Variants in PALM observed in about 807,000 individuals in gnomAD.
The protein encoded by PALM is paralemmin.
PALM carries 18 observed loss-of-function variants against 30.7 expected under a neutral mutation model. That is an observed-to-expected ratio of 0.59 (90% CI 0.41 to 0.87). The LOEUF (loss-of-function observed/expected upper bound fraction) is 0.87. Ranked by LOEUF, PALM falls within the 40% of genes least tolerant of loss-of-function variation. The pLI is 0.00. For synonymous variants in PALM, 286 were observed against 242.8 expected, an observed-to-expected ratio of 1.18 and a Z score of -1.66; for missense variants, 529 against 555.4, an observed-to-expected ratio of 0.95 and a Z score of 0.48.
At position 726,181 on chromosome 19, in the gene PALM, G is replaced by A; in HGVS notation, c.49G>A (p.Ala17Thr). ...ETTSQQERLQAIAEKRKRQAE... is the reference protein window; with the variant it reads ...ETTSQQERLQTIAEKRKRQAE... ...CACGTCCCAGCAGGAGCGGCTGCAG[G>A]CCATCGCAGTGAGTTTCCGCCGCCC... is the stretch of plus-strand genomic sequence containing the variant. Residue 17 changes from alanine (A) to threonine (T), a missense_variant, in exon 2 of 9, where the codon GCC becomes ACC. Ala to Thr is a moderately conservative substitution (Grantham distance 58). Transcript: ENST00000338448. 1 of 1,613,158 alleles carries A rather than the reference G, an allele frequency of 6.2e-7. No homozygotes were observed. Among genetic ancestry groups the A allele is most frequent in the Admixed American group, 1.7e-5 (1 of 60,016 alleles).
intron 5 of PALM, among the ~76,000 whole-genome samples, chr19:733,780 G>C (rs754501836): frequency 6.6e-6 from 1 of 151,932 alleles, no homozygotes; most frequent in East Asian, 2.0e-4. Context: ...TGAGGTCAGG[G>C]GATCGAAACC....
intron 7 of PALM, among the ~76,000 whole-genome samples, chr19:738,359 T>C (rs2033084953): frequency 6.6e-6 from 1 of 152,064 alleles, no homozygotes; most frequent in Admixed American, 6.6e-5. Flanking sequence ...ACCCTGTCTC[T>C]AGTAAAAATA....
intron 1 of PALM, among the ~76,000 whole-genome samples, chr19:714,953 A>C (rs1053807448): frequency 3.3e-5 from 5 of 152,158 alleles, no homozygotes; most frequent in African/African-American, 4.8e-5. Context: ...CACTGCACCC[A>C]GCCTGATGTT....
intron 2 of PALM, 102 bp downstream of exon 2, chr19:726,291 T>C (rs954407809): frequency 2.3e-6 from 2 of 885,394 alleles, no homozygotes; most frequent in Admixed American, 4.2e-5. Flanking sequence ...AACCAGGGCA[T>C]GGTGGGTGGT....
At chr19:717,605 G>A (rs1433769445) in intron 1 of PALM, among the ~76,000 whole-genome samples, 1 of 152,182 alleles carries the variant, frequency 6.6e-6, no homozygotes, top group Non-Finnish European at 1.5e-5. Flanking sequence ...CCCCGAGATG[G>A]TTGGAGCTTG....
At chr19:735,979 C>G in intron 6 of PALM, 40 bp from the exon 7 acceptor site, 1 of 1,575,150 alleles carries the variant, frequency 6.3e-7, no homozygotes, top group Non-Finnish European at 8.7e-7. Flanking sequence ...GACCTCTCCT[C>G]TGACCCTCAT....
chr19:727,742 G>T (rs1275012266), intron 4 of PALM, 48 bp downstream of exon 4: 8 of 1,490,774 alleles, frequency 5.4e-6, no homozygotes, highest in East Asian at 2.5e-5. Context: ...GGCCTCGGGG[G>T]CCGCTGGCTC....
chr19:739,407 C>T (rs146916833), intron 7 of PALM, among the ~76,000 whole-genome samples: 2,312 of 152,116 alleles, frequency 0.015, 19 homozygotes, highest in Middle Eastern at 0.02. Context: ...TGGTGGGGCT[C>T]GAGGGCTCAC....
Position 742,948 on chromosome 19 carries a change from G to T in PALM, c.634+2465G>T, listed in dbSNP as rs1301036092. Among the ~76,000 whole-genome samples the T allele has an allele frequency of 6.6e-6, 1 of 152,186 alleles. No homozygotes were observed. Among genetic ancestry groups the T allele is most frequent in the East Asian group, 1.9e-4 (1 of 5,192 alleles). On this transcript the variant is annotated intron_variant, in intron 8 of 8. Transcript: ENST00000338448. The surrounding 1 kb of genome is among the most constrained non-coding windows in gnomAD (Gnocchi z 5.5). Reference sequence around the variant, plus strand: ...TGAACTGCTGGGTCCTGAGGCGACTGTGTGGAGCTCCGTGAGGACCTGCTG... The same window carrying T: ...TGAACTGCTGGGTCCTGAGGCGACTTTGTGGAGCTCCGTGAGGACCTGCTG...
At chr19:737,390 A>G (rs1175106970) in intron 7 of PALM, among the ~76,000 whole-genome samples, 2 of 152,232 alleles carry the variant, frequency 1.3e-5, no homozygotes, top group African/African-American at 2.4e-5. Flanking sequence ...GCAGAGCTAT[A>G]GAGTTGAAAA....
intron 8 of PALM, 36 bp downstream of exon 8, chr19:740,519 G>C (rs1447887872): frequency 6.5e-7 from 1 of 1,531,760 alleles, no homozygotes; most frequent in Non-Finnish European, 8.8e-7. Context: ...CCCTCCACCT[G>C]GGCCAGAGCC....
Position 709,407 on chromosome 19 carries a change from G to A in PALM, c.5+256G>A, listed in dbSNP as rs1327270076. ...TGGGGACCCGGGCAGCGGCGGCTCG[G>A]GCCAGTCCAGGACGCGGGGAGGGGG... is the stretch of plus-strand genomic sequence containing the variant. On this transcript the variant is annotated intron_variant, in intron 1 of 8. Transcript: ENST00000338448. This position sits in a 1 kb window ranked among gnomAD's most constrained non-coding sequence, Gnocchi z 4.3. Among the ~76,000 whole-genome samples the A allele has an allele frequency of 6.6e-6, 1 of 151,624 alleles. No homozygotes were observed.
chr19:715,936 G>A (rs1175519562), intron 1 of PALM, among the ~76,000 whole-genome samples: 3 of 152,116 alleles, frequency 2.0e-5, no homozygotes, highest in Non-Finnish European at 4.4e-5. Flanking sequence ...GGTGGAGGGC[G>A]TCCTCTAGGA....
chr19:727,005 CAGGAGAAG>C lies in PALM; in HGVS notation c.58-2_63del. 1 of 1,533,594 alleles carries C rather than the reference CAGGAGAAG, an allele frequency of 6.5e-7. No individual in the cohort carries two copies. The highest frequency in any genetic ancestry group is 2.5e-5 in the East Asian group (1 of 40,760). The allele number at this position is 1,533,594 out of a possible 1,614,324, so 95.0% of individuals were successfully genotyped here. Reference sequence around the variant, plus strand: ...CCCTGACCCCACCCGGCCCTCCCCACAGGAGAAGCGGAAGCGGCAGGCGGAGATCGAGA... The same window carrying C: ...CCCTGACCCCACCCGGCCCTCCCCACCGGAAGCGGCAGGCGGAGATCGAGA... On this transcript the variant is annotated splice_acceptor_variant and coding_sequence_variant, in exon 3 of 9. Coordinates refer to ENST00000338448, the MANE Select transcript of PALM (RefSeq NM_002579.3). LOFTEE classifies it high-confidence loss of function.
At chr19:719,141 T>C in intron 1 of PALM, 1 of 985,274 alleles carries the variant, frequency 1.0e-6, no homozygotes, top group South Asian at 4.7e-5. Flanking sequence ...ACCCCCTCGT[T>C]CTGGCTGGAG....
At chr19:735,045 C>G in intron 6 of PALM, 6 of 985,836 alleles carry the variant, frequency 6.1e-6, no homozygotes, top group Non-Finnish European at 7.2e-6. Flanking sequence ...AATCACTGGG[C>G]TGAGGATGAG....
At chr19:724,141 A>C (rs2144872363) in intron 1 of PALM, among the ~76,000 whole-genome samples, 1 of 152,136 alleles carries the variant, frequency 6.6e-6, no homozygotes, top group South Asian at 2.1e-4. Flanking sequence ...AGGTCAGAGA[A>C]CCACAGAATT....
chr19:719,858 G>A (rs568232941), intron 1 of PALM, among the ~76,000 whole-genome samples: 7 of 152,304 alleles, frequency 4.6e-5, no homozygotes, highest in African/African-American at 1.4e-4. Flanking sequence ...CCGGCCGCAG[G>A]AGGGAGCGAG....
At chr19:726,431 C>T (rs1599148017) in intron 2 of PALM, among the ~76,000 whole-genome samples, 1 of 152,158 alleles carries the variant, frequency 6.6e-6, no homozygotes, top group Non-Finnish European at 1.5e-5. Context: ...CTGAGGCTGG[C>T]ATTCCCTGGA....
Sources: gnomAD v4.1 joint callset for allele counts (sites outside exome capture counted in the v4.1 genomes callset) on GRCh38, gnomAD v4.1.1 for gene constraint, Gnocchi (gnomAD v3.1) non-coding constraint, MANE v1.5 for transcripts, NCBI Gene and HGNC (gene_info 2026-07-23, HGNC 2026-07-21) for gene names.